The following FNIP2 variants were observed in gnomAD, a reference collection of about 807,000 sequenced individuals.
The protein encoded by FNIP2 is folliculin-interacting protein 2.
Under a neutral mutation model 108.7 loss-of-function variants are expected in FNIP2, and 32 were observed. The ratio of observed to expected loss-of-function variants is 0.29; its 90% CI spans 0.22 to 0.40. FNIP2 has a LOEUF of 0.40. FNIP2 is among the 10% of genes least tolerant of loss of function. The pLI is 1.00. For missense variants in FNIP2, 1,202 were observed against 1,381.6 expected (o/e 0.87, Z 2.06); for synonymous variants, 480 against 496.7 (o/e 0.97, Z 0.45).
At chr4:158,823,998 A>G (rs1465323306) in intron 1 of FNIP2, among the ~76,000 whole-genome samples, 2 of 152,256 alleles carry the variant, frequency 1.3e-5, no homozygotes, top group African/African-American at 4.8e-5. Context: ...AGGTACAACC[A>G]GAACTTTATA....
chr4:158,822,394 C>T (rs1413853940), intron 1 of FNIP2, among the ~76,000 whole-genome samples: 1 of 152,028 alleles, frequency 6.6e-6, no homozygotes, highest in Non-Finnish European at 1.5e-5. Flanking sequence ...CTGTTGCCCA[C>T]AAACGCCTGG....
At chr4:158,776,827 A>G (rs1239715102) in intron 1 of FNIP2, among the ~76,000 whole-genome samples, 1 of 152,238 alleles carries the variant, frequency 6.6e-6, no homozygotes, top group Middle Eastern at 3.2e-3. Flanking sequence ...TTGAACACTG[A>G]TGATCCTTAA....
chr4:158,776,850 A>T (rs1192976663), intron 1 of FNIP2, among the ~76,000 whole-genome samples: 9 of 152,248 alleles, frequency 5.9e-5, no homozygotes, highest in Non-Finnish European at 1.3e-4. Context: ...AGTCTCTAGT[A>T]TTCCAGAATC....
At chr4:158,867,996 C>A in intron 12 of FNIP2, 106 bp from the exon 13 acceptor site, 8 of 1,437,882 alleles carry the variant, frequency 5.6e-6, no homozygotes, top group Non-Finnish European at 7.6e-6. Flanking sequence ...AGCAGGGACT[C>A]CAGATTGGGA....
At chr4:158,770,096 A>G (rs1198172759) in intron 1 of FNIP2, among the ~76,000 whole-genome samples, 1 of 152,162 alleles carries the variant, frequency 6.6e-6, no homozygotes, top group Non-Finnish European at 1.5e-5. Flanking sequence ...ACAGGTGAGG[A>G]AACTTAAAGT....
rs33942642 is a variant in FNIP2 at position 158,883,949 on chromosome 4, C to CT, written c.2950-7477dup. Among the ~76,000 whole-genome samples the CT allele has an allele frequency of 3.5e-3, 310 of 88,974 alleles. 6 individuals carry two copies. The highest frequency in any genetic ancestry group is 0.011 in the African/African-American group (260 of 23,260). 58.4% of individuals were successfully genotyped at this position (88,974 alleles called of 152,430 possible). A position where few individuals can be genotyped will look rare whatever the true frequency, so the allele number is the denominator to read the frequency against. ...TACATGCCAAGATACTTAATAAGCTCTTTTTTTTTTTTTTTTTTTTGTCCT... is the reference window on the plus strand; with the variant it reads ...TACATGCCAAGATACTTAATAAGCTCTTTTTTTTTTTTTTTTTTTTTGTCCT... On this transcript the variant is annotated intron_variant, in intron 14 of 16. Transcript: ENST00000264433.
chr4:158,857,194 A>G (rs540772514), intron 8 of FNIP2, among the ~76,000 whole-genome samples: 1 of 152,340 alleles, frequency 6.6e-6, no homozygotes, highest in East Asian at 1.9e-4. Flanking sequence ...CCTAAAGATG[A>G]GTGGACTGAT....
In FNIP2 at chr4:158,868,132, T is replaced by C; in HGVS notation, c.1496T>C (p.Val499Ala). ...CTTTACGGAGCCATAGGCTCTCCAG[T>C]GAGACTGACTCGCACCGTAGTGGTA... The part of the protein sequence containing the change: ...GDLYGAIGSP[V>A]RLTRTVVVGK... The change falls in exon 13 of 17, where the codon GTG becomes GCG. Residue 499 changes from valine to alanine, a missense_variant. Physicochemically the swap from Val to Ala is moderately conservative, Grantham distance 64. Transcript: ENST00000264433. The surrounding 1 kb of genome is among the most constrained non-coding windows in gnomAD (Gnocchi z 4.6). 1 of 1,614,020 alleles carries C rather than the reference T, an allele frequency of 6.2e-7. No homozygotes were observed.
At chr4:158,893,475 T>C (rs529350466) in intron 15 of FNIP2, 64 of 498,068 alleles carry the variant, frequency 1.3e-4, no homozygotes, top group African/African-American at 2.3e-4. Flanking sequence ...ATTAGTATGA[T>C]AGTCAATAAC....
chr4:158,855,579 C>T (rs1247731428), intron 8 of FNIP2, among the ~76,000 whole-genome samples: 1 of 152,224 alleles, frequency 6.6e-6, no homozygotes, highest in African/African-American at 2.4e-5. Flanking sequence ...TCCTGAGTAC[C>T]TGGGATTACA....
intron 1 of FNIP2, among the ~76,000 whole-genome samples, chr4:158,796,962 C>G (rs1217273723): frequency 6.6e-6 from 1 of 152,164 alleles, no homozygotes; most frequent in Non-Finnish European, 1.5e-5. Context: ...GTTCCTTGTA[C>G]TCAGCCTGAT....
intron 1 of FNIP2, among the ~76,000 whole-genome samples, chr4:158,802,675 G>A (rs1776801344): frequency 6.6e-6 from 1 of 152,198 alleles, no homozygotes; most frequent in South Asian, 2.1e-4. Context: ...TTAGGCATGG[G>A]AATGGGCTTT....
intron 15 of FNIP2, among the ~76,000 whole-genome samples, chr4:158,894,604 G>A (rs754934036): frequency 9.9e-4 from 150 of 152,126 alleles, no homozygotes; most frequent in African/African-American, 3.5e-3. Flanking sequence ...AAACAGAAAG[G>A]GTTCAATGTA....
intron 16 of FNIP2, among the ~76,000 whole-genome samples, chr4:158,898,629 GCTCT>G (rs1579006112): frequency 2.6e-5 from 4 of 152,118 alleles, no homozygotes; most frequent in South Asian, 2.1e-4. Flanking sequence ...TTGTGATTTG[GCTCT>G]CTGTCTGTTA....
chr4:158,876,010 CAT>C (rs1474779504), intron 14 of FNIP2, among the ~76,000 whole-genome samples: 2 of 152,140 alleles, frequency 1.3e-5, no homozygotes, highest in East Asian at 1.9e-4. Context: ...CATGTGCACA[CAT>C]GTCACACTTG....
At chr4:158,859,447 T>C in intron 9 of FNIP2, 131 bp from the exon 10 acceptor site, 1 of 1,033,360 alleles carries the variant, frequency 9.7e-7, no homozygotes, top group Non-Finnish European at 1.4e-6. Context: ...AATGACTGCT[T>C]TTTCGTGACT....
At chr4:158,838,980 G>A (rs1229748071) in intron 7 of FNIP2, among the ~76,000 whole-genome samples, 1 of 152,160 alleles carries the variant, frequency 6.6e-6, no homozygotes, top group Non-Finnish European at 1.5e-5. Flanking sequence ...GGGGAAGGAA[G>A]ATCATAGAAG....
intron 14 of FNIP2, among the ~76,000 whole-genome samples, chr4:158,877,413 C>T (rs1410697791): frequency 1.3e-5 from 2 of 152,178 alleles, no homozygotes; most frequent in Non-Finnish European, 2.9e-5. Context: ...GTCCCAAGGT[C>T]CAAAATGATT....
At chr4:158,799,466 A>T (rs1014721283) in intron 1 of FNIP2, among the ~76,000 whole-genome samples, 1 of 152,212 alleles carries the variant, frequency 6.6e-6, no homozygotes, top group Admixed American at 6.5e-5. Context: ...AATGTGTTAC[A>T]TAAGAATTTC....
Sources: allele counts gnomAD v4.1 joint callset (sites outside exome capture counted in the v4.1 genomes callset), GRCh38; gene constraint gnomAD v4.1.1; non-coding constraint Gnocchi (gnomAD v3.1); transcripts MANE v1.5; gene names NCBI Gene and HGNC (gene_info 2026-07-23, HGNC 2026-07-21).